The following LRBA variants were observed in gnomAD, a reference collection of about 807,000 sequenced individuals.
LRBA encodes the protein LPS responsive beige-like anchor protein.
LRBA carries 176 observed loss-of-function variants against 330.0 expected under a neutral mutation model. The ratio of observed to expected loss-of-function variants is 0.53; its 90% CI spans 0.47 to 0.60. The LOEUF (loss-of-function observed/expected upper bound fraction) is 0.60. LRBA is among the 20% of genes least tolerant of loss of function. The pLI, the probability that LRBA is intolerant of heterozygous loss-of-function variation, is 0.00. For missense variants in LRBA, 3,259 were observed against 3,444.8 expected (o/e 0.95, Z 1.35); for synonymous variants, 1,230 against 1,193.0 (o/e 1.03, Z -0.64).
At chr4:150,577,787 A>T (rs1017321704) in intron 40 of LRBA, among the ~76,000 whole-genome samples, 1 of 152,198 alleles carries the variant, frequency 6.6e-6, no homozygotes, top group Non-Finnish European at 1.5e-5. Flanking sequence ...CACTGACGTT[A>T]ACTCAGTAAA....
intron 36 of LRBA, among the ~76,000 whole-genome samples, chr4:150,695,616 C>T (rs1784549178): frequency 6.6e-6 from 1 of 152,180 alleles, no homozygotes. Context: ...CTGCACCAGG[C>T]CTTGACCAAT....
rs577797526 is a variant in LRBA at position 150,396,463 on chromosome 4, C to T, written c.7194+18975G>A. On this transcript the variant is annotated intron_variant, in intron 47 of 56. Coordinates refer to ENST00000651943, the MANE Select transcript of LRBA (RefSeq NM_001364905.1). ...CCCCCATAATCACACATGCCAATTC[C>T]CATAATAAATCTCATCTCACACACA... Among the ~76,000 whole-genome samples the T allele has an allele frequency of 9.4e-5, 13 of 138,350 alleles. 1 individual carries two copies. The highest frequency in any genetic ancestry group is 2.6e-4 in the African/African-American group (10 of 38,980). 90.8% of individuals were successfully genotyped at this position (138,350 alleles called of 152,430 possible).
At chr4:150,566,797 T>C (rs951608308) in intron 40 of LRBA, among the ~76,000 whole-genome samples, 1 of 152,094 alleles carries the variant, frequency 6.6e-6, no homozygotes, top group Non-Finnish European at 1.5e-5. Flanking sequence ...CAGAAAGTAC[T>C]TCAGCACTTA....
intron 2 of LRBA, among the ~76,000 whole-genome samples, chr4:150,961,392 C>G (rs995389464): frequency 6.7e-6 from 1 of 149,146 alleles, no homozygotes; most frequent in Non-Finnish European, 1.5e-5. Flanking sequence ...AGAAATACTG[C>G]AAGGCATCAT....
intron 35 of LRBA, among the ~76,000 whole-genome samples, chr4:150,754,764 C>A (rs1180708853): frequency 6.6e-6 from 1 of 152,052 alleles, no homozygotes; most frequent in East Asian, 1.9e-4. Flanking sequence ...AAAAAAATTA[C>A]AATAAAAAAA....
At chr4:150,822,214 T>C (rs1042958750) in intron 30 of LRBA, among the ~76,000 whole-genome samples, 6 of 152,212 alleles carry the variant, frequency 3.9e-5, no homozygotes, top group African/African-American at 1.4e-4. Flanking sequence ...TCTGTTGTTT[T>C]CTATTTCAAT....
intron 2 of LRBA, among the ~76,000 whole-genome samples, chr4:150,962,429 G>A (rs1738247223): frequency 6.7e-6 from 1 of 149,216 alleles, no homozygotes. Context: ...GAGGTGGAAG[G>A]ATCACTTGAG....
At chr4:150,407,464 A>G (rs1266864431) in intron 47 of LRBA, among the ~76,000 whole-genome samples, 1 of 152,200 alleles carries the variant, frequency 6.6e-6, no homozygotes, top group Non-Finnish European at 1.5e-5. Context: ...AAACAAAAAC[A>G]AAAACAAAAA....
chr4:150,651,633 A>G (rs1043847102), intron 37 of LRBA, among the ~76,000 whole-genome samples: 33 of 152,178 alleles, frequency 2.2e-4, no homozygotes, highest in African/African-American at 7.7e-4. Context: ...CAGAGCACCC[A>G]GCACAAATAA....
intron 47 of LRBA, among the ~76,000 whole-genome samples, chr4:150,350,560 T>A: frequency 9.4e-6 from 1 of 105,900 alleles, no homozygotes; most frequent in East Asian, 2.3e-4. Flanking sequence ...AGAGCGAAAC[T>A]CCATCTCAAA....
At chr4:150,654,535 C>A (rs189874320) in intron 37 of LRBA, among the ~76,000 whole-genome samples, 1 of 152,072 alleles carries the variant, frequency 6.6e-6, no homozygotes, top group East Asian at 1.9e-4. Flanking sequence ...TCTCTTCTAT[C>A]GCCTTAAAGT....
rs192884543 is a variant in LRBA, at chr4:150,852,208, C to G, written c.3502G>C (p.Asp1168His). 179 of 1,614,084 alleles carry G rather than the reference C, an allele frequency of 1.1e-4. No homozygotes were observed. Among genetic ancestry groups the G allele is most frequent in the Non-Finnish European group, 1.5e-4 (176 of 1,180,000 alleles). The change falls in exon 23 of 57, where the codon GAT (aspartate) becomes CAT (histidine). Residue 1168 changes from aspartate (D) to histidine (H), a missense_variant. Physicochemically the swap from Asp to His is moderately conservative, Grantham distance 81. Coordinates refer to ENST00000651943, the MANE Select transcript of LRBA (RefSeq NM_001364905.1). ...TCTTTAGAATCTTGAGTTTCAGTAT[C>G]AGTTTGCTTTTCAGTAACAGGTTTT... ...EGKPVTEKQT[D>H]TETQDSKDSG... is the part of the protein sequence containing the mutation.
chr4:150,716,275 C>T (rs531614579), intron 36 of LRBA, among the ~76,000 whole-genome samples: 2 of 152,180 alleles, frequency 1.3e-5, no homozygotes, highest in African/African-American at 4.8e-5. Context: ...GGTGAAACCC[C>T]GTCTCTACTA....
At chr4:150,971,895 T>G (rs576736361) in intron 2 of LRBA, among the ~76,000 whole-genome samples, 1 of 152,216 alleles carries the variant, frequency 6.6e-6, no homozygotes, top group Admixed American at 6.5e-5. Flanking sequence ...ATTTGAAAAC[T>G]TACAGCAAAT....
chr4:150,811,341 A>G (rs779621345), intron 31 of LRBA, among the ~76,000 whole-genome samples: 3 of 152,136 alleles, frequency 2.0e-5, no homozygotes, highest in Non-Finnish European at 4.4e-5. Context: ...AAGCTAATAC[A>G]AAGGAACACA....
At chr4:150,929,937 T>C (rs1257441413) in intron 2 of LRBA, among the ~76,000 whole-genome samples, 1 of 152,206 alleles carries the variant, frequency 6.6e-6, no homozygotes, top group East Asian at 1.9e-4. Context: ...TACGCTTCTT[T>C]CTGAATACTT....
At chr4:150,740,524 A>G (rs1284128248) in intron 35 of LRBA, among the ~76,000 whole-genome samples, 1 of 152,184 alleles carries the variant, frequency 6.6e-6, no homozygotes, top group Admixed American at 6.5e-5. Context: ...TGTATAGGTT[A>G]CTAACAAAGT....
intron 35 of LRBA, among the ~76,000 whole-genome samples, chr4:150,760,185 C>T (rs13117245): frequency 0.077 from 11,719 of 151,996 alleles, 609 homozygotes; most frequent in Middle Eastern, 0.13. Context: ...TGAAATCAGT[C>T]GAAAGCTATT....
intron 53 of LRBA, among the ~76,000 whole-genome samples, chr4:150,286,360 A>G (rs1008804006): frequency 1.3e-5 from 2 of 152,202 alleles, no homozygotes; most frequent in Non-Finnish European, 2.9e-5. Context: ...GATGATTATA[A>G]AATTAGGAAC....
Sources: allele counts gnomAD v4.1 joint callset (sites outside exome capture counted in the v4.1 genomes callset), GRCh38; gene constraint gnomAD v4.1.1; transcripts MANE v1.5; gene names NCBI Gene and HGNC (gene_info 2026-07-23, HGNC 2026-07-21).